GPC6: variants seen among roughly 807,000 people sequenced by gnomAD.
The protein encoded by GPC6 is glypican-6.
A neutral mutation model predicts 55.2 loss-of-function variants in GPC6; 14 were observed. That is an observed-to-expected ratio of 0.25 (90% CI 0.17 to 0.40). The LOEUF is 0.40. Among genes scored for constraint, GPC6 ranks in the 10% least tolerant of loss-of-function variants. The pLI is 1.00. For missense variants in GPC6, 641 were observed against 708.5 expected (o/e 0.90, Z 1.08); for synonymous variants, 278 against 259.6 (o/e 1.07, Z -0.68).
chr13:94,275,500 G>A (rs1298703440), intron 4 of GPC6, among the ~76,000 whole-genome samples: 1 of 152,086 alleles, frequency 6.6e-6, no homozygotes, highest in African/African-American at 2.4e-5. Context: ...AATAGATTAG[G>A]TCATGGAGGT....
intron 1 of GPC6, among the ~76,000 whole-genome samples, chr13:93,236,110 A>G (rs7991809): frequency 0.042 from 6,367 of 152,216 alleles, 234 homozygotes; most frequent in Admixed American, 0.09. Context: ...TCATTTTAGA[A>G]TTGCCTCCTA....
At chr13:94,352,039 G>C (rs897770984) in intron 6 of GPC6, among the ~76,000 whole-genome samples, 2 of 151,818 alleles carry the variant, frequency 1.3e-5, no homozygotes, top group Admixed American at 6.6e-5. Flanking sequence ...CAGAGTCCTG[G>C]AAATGCTTTT....
At chr13:94,192,020 C>T (rs1054312229) in intron 4 of GPC6, among the ~76,000 whole-genome samples, 2 of 152,118 alleles carry the variant, frequency 1.3e-5, no homozygotes, top group Non-Finnish European at 2.9e-5. Flanking sequence ...CTCCTACCTT[C>T]ATCTCTCACA....
intron 6 of GPC6, among the ~76,000 whole-genome samples, chr13:94,354,082 C>A (rs1878677839): frequency 6.6e-6 from 1 of 152,156 alleles, no homozygotes; most frequent in Non-Finnish European, 1.5e-5. Flanking sequence ...TGGTTCTTTG[C>A]AACAATGAAC....
At chr13:93,742,303 C>T (rs1884234290) in intron 2 of GPC6, among the ~76,000 whole-genome samples, 1 of 152,076 alleles carries the variant, frequency 6.6e-6, no homozygotes, top group African/African-American at 2.4e-5. Context: ...TGATGCTGGC[C>T]TTACTTCTAT....
chr13:93,497,540 G>T (rs1285222967), intron 1 of GPC6, among the ~76,000 whole-genome samples: 1 of 152,226 alleles, frequency 6.6e-6, no homozygotes, highest in Non-Finnish European at 1.5e-5. Flanking sequence ...CATTCCATAT[G>T]CTGGGTAATC....
rs141654541 is a variant in GPC6 at position 93,956,057 on chromosome 13, T to C, written c.712-71672T>C. Among the ~76,000 whole-genome samples the C allele has an allele frequency of 1.8e-3, 269 of 152,216 alleles. 2 individuals carry two copies. The highest frequency in any genetic ancestry group is 0.015 in the Admixed American group (222 of 15,290). On this transcript the variant is annotated intron_variant, in intron 3 of 8. Coordinates refer to ENST00000377047, the MANE Select transcript of GPC6 (RefSeq NM_005708.5). Reference sequence around the variant, plus strand: ...GCCACTCCTGTCTCATCCTGGATGGTTGACAGAGATGAAAACATCTTGCTA... The same window carrying C: ...GCCACTCCTGTCTCATCCTGGATGGCTGACAGAGATGAAAACATCTTGCTA...
intron 1 of GPC6, among the ~76,000 whole-genome samples, chr13:93,502,969 T>C (rs893899333): frequency 6.6e-6 from 1 of 152,078 alleles, no homozygotes; most frequent in African/African-American, 2.4e-5. Flanking sequence ...AGTTTAAAAT[T>C]TTAAAAAAAG....
At chr13:93,379,158 A>G (rs74108506) in intron 1 of GPC6, among the ~76,000 whole-genome samples, 4,938 of 152,162 alleles carry the variant, frequency 0.032, 274 homozygotes, top group African/African-American at 0.11. Flanking sequence ...GGCTTAGGTA[A>G]TCCTCCCACC....
chr13:93,518,836 G>A lies in GPC6; in HGVS notation c.161-26427G>A, dbSNP rs76320608. On this transcript the variant is annotated intron_variant, in intron 1 of 8. Transcript: ENST00000377047. ...TTTATTATGCAGGACTGTGTTGATA[G>A]TTAACAAAGTGTAAGACATCAGTAT... is the stretch of plus-strand genomic sequence containing the variant. 3.0e-4 allele frequency among the ~76,000 whole-genome samples: 46 copies of A among 152,112 alleles called. No homozygotes were observed. In the East Asian group the frequency reaches 8.7e-3, roughly 29 times the overall value.
chr13:93,848,662 C>T lies in GPC6; in HGVS notation c.711+18117C>T, dbSNP rs370292783. Reference sequence around the variant, plus strand: ...TGGACTTTAAATGTCATATTCCTACCCTCAAGAGGTTGACAAGTCTGAAGT... The same window carrying T: ...TGGACTTTAAATGTCATATTCCTACTCTCAAGAGGTTGACAAGTCTGAAGT... On this transcript the variant is annotated intron_variant, in intron 3 of 8. Coordinates refer to ENST00000377047, the MANE Select transcript of GPC6 (RefSeq NM_005708.5). Among the ~76,000 whole-genome samples the T allele has an allele frequency of 6.6e-5, 10 of 152,112 alleles. 1 individual carries two copies. The East Asian group carries it at 1.7e-3, about 26-fold the overall frequency.
intron 1 of GPC6, among the ~76,000 whole-genome samples, chr13:93,294,542 C>T (rs1259780567): frequency 6.6e-6 from 1 of 152,004 alleles, no homozygotes; most frequent in Non-Finnish European, 1.5e-5. Flanking sequence ...GCATTTCCTT[C>T]TTCTGTTTTG....
intron 4 of GPC6, among the ~76,000 whole-genome samples, chr13:94,165,155 A>G (rs554211348): frequency 4.8e-4 from 72 of 151,558 alleles, no homozygotes; most frequent in Middle Eastern, 3.4e-3. Context: ...CCAAATGCCT[A>G]TCAGTCAACG....
At chr13:93,838,757 C>A (rs560714229) in intron 3 of GPC6, among the ~76,000 whole-genome samples, 19 of 152,068 alleles carry the variant, frequency 1.2e-4, no homozygotes, top group African/African-American at 4.3e-4. Context: ...GATTGGGGAG[C>A]ACATCTGGAA....
intron 2 of GPC6, among the ~76,000 whole-genome samples, chr13:93,767,855 T>C (rs1885171623): frequency 6.6e-6 from 1 of 152,236 alleles, no homozygotes; most frequent in Non-Finnish European, 1.5e-5. Flanking sequence ...AAACATCTGA[T>C]GTCCTTTGGA....
chr13:94,392,432 T>TGAG (rs1880690231), intron 7 of GPC6, among the ~76,000 whole-genome samples: 1 of 57,440 alleles, frequency 1.7e-5, no homozygotes, highest in African/African-American at 8.0e-5. Context: ...TTTTTTTTTT[T>TGAG]TTTTTTTTTT....
chr13:94,388,072 A>C (rs146586894), intron 7 of GPC6, among the ~76,000 whole-genome samples: 2 of 152,214 alleles, frequency 1.3e-5, no homozygotes, highest in Admixed American at 6.5e-5. Context: ...CAGATCTAGC[A>C]CATAAAGATA....
intron 6 of GPC6, among the ~76,000 whole-genome samples, chr13:94,314,523 G>A (rs1406944440): frequency 6.6e-6 from 1 of 152,106 alleles, no homozygotes; most frequent in Non-Finnish European, 1.5e-5. Flanking sequence ...TTGGTGTTTT[G>A]GTAGATTGAT....
chr13:93,727,170 G>A (rs991054289), intron 2 of GPC6, among the ~76,000 whole-genome samples: 10 of 152,076 alleles, frequency 6.6e-5, no homozygotes, highest in African/African-American at 2.4e-4. Context: ...GTCGATTACT[G>A]TAATCAGAGA....
Sources: allele counts gnomAD v4.1 joint callset (sites outside exome capture counted in the v4.1 genomes callset), GRCh38; gene constraint gnomAD v4.1.1; transcripts MANE v1.5; gene names NCBI Gene and HGNC (gene_info 2026-07-23, HGNC 2026-07-21).